USB1: variants seen among roughly 807,000 people sequenced by gnomAD.
The protein encoded by USB1 is U6 snRNA biogenesis phosphodiesterase 1.
In USB1, 21 loss-of-function variants were observed where a neutral mutation model predicts 29.9. The ratio of observed to expected loss-of-function variants is 0.70; its 90% CI spans 0.50 to 1.01. The LOEUF (loss-of-function observed/expected upper bound fraction) is 1.01. Ranked by LOEUF, USB1 falls within the 50% of genes least tolerant of loss-of-function variation. The pLI, the probability that USB1 is intolerant of heterozygous loss-of-function variation, is 0.00. For missense variants in USB1, 330 were observed against 347.1 expected (o/e 0.95, Z 0.39); for synonymous variants, 143 against 134.9 (o/e 1.06, Z -0.42).
At position 58,020,567 on chromosome 16, in the gene USB1, T is replaced by TCTCA. The variant is rs1555498777; in HGVS notation, c.*322_*323insCTCA. ...CTCCTGTCTCTCCTCCCCTCCTCTC[T>TCTCA]TCCTCTCCTCTCTCTTCCTCTCCTC... is the stretch of plus-strand genomic sequence containing the variant. On this transcript the variant is annotated 3_prime_UTR_variant, in exon 7 of 7. Transcript: ENST00000219281. 3 of 343,216 alleles carry TCTCA rather than the reference T, an allele frequency of 8.7e-6. No homozygotes were observed. The East Asian group carries it at 1.9e-4, about 22-fold the overall frequency. The allele number at this position is 343,216 out of a possible 1,614,324, so 21.3% of individuals were successfully genotyped here.
chr16:58,004,438 T>C (rs1416226235), intron 2 of USB1, among the ~76,000 whole-genome samples: 3 of 152,286 alleles, frequency 2.0e-5, no homozygotes, highest in East Asian at 3.9e-4. Flanking sequence ...TCTGGGTTTT[T>C]TGGGGGCTTT....
At chr16:58,003,052 C>T (rs543194785) in intron 2 of USB1, among the ~76,000 whole-genome samples, 4 of 152,282 alleles carry the variant, frequency 2.6e-5, no homozygotes, top group African/African-American at 7.2e-5. Flanking sequence ...AGTCAGACCT[C>T]ACTCCGCTGC....
At position 58,020,432 on chromosome 16, in the gene USB1, CTCT is replaced by C; in HGVS notation, c.*192_*194del. 1 of 639,054 alleles carries C rather than the reference CTCT, an allele frequency of 1.6e-6. No individual in the cohort carries two copies. Among genetic ancestry groups the C allele is most frequent in the South Asian group, 1.8e-5 (1 of 55,788 alleles). The allele number at this position is 639,054 out of a possible 1,614,324, so 39.6% of individuals were successfully genotyped here. A position where few individuals can be genotyped will look rare whatever the true frequency, so the allele number is the denominator to read the frequency against. ...ATATTCTCTCTCTCTCTTTCTCTTC[CTCT>C]TCTTTCTCTCTCTTCTCCTCTCTTT... On this transcript the variant is annotated 3_prime_UTR_variant, in exon 7 of 7. Transcript: ENST00000219281.
intron 6 of USB1, 118 bp from the exon 7 acceptor site, chr16:58,020,023 G>T: frequency 1.1e-6 from 1 of 879,458 alleles, no homozygotes; most frequent in Non-Finnish European, 1.9e-6. Flanking sequence ...AGAGCCTGGA[G>T]CCTGCAGCCT....
intron 2 of USB1, 110 bp downstream of exon 2, chr16:58,002,755 T>G (rs1178085913): frequency 4.9e-6 from 7 of 1,437,570 alleles, no homozygotes; most frequent in Non-Finnish European, 6.7e-6. Context: ...CCTCTAACAC[T>G]GGTGGTGGGA....
intron 3 of USB1, chr16:58,012,252 C>A: frequency 6.5e-7 from 1 of 1,533,648 alleles, no homozygotes; most frequent in African/African-American, 1.4e-5. Context: ...CTAGTCCAGC[C>A]CTCCCCCTCT....
intron 4 of USB1, chr16:58,016,692 A>T (rs982584217): frequency 6.1e-6 from 1 of 164,208 alleles, no homozygotes; most frequent in Non-Finnish European, 1.4e-5. Context: ...ACTGTGTGAG[A>T]TACTGCTGGG....
Position 58,019,016 on chromosome 16 carries a change from A to C in USB1, c.654A>C (p.Ala218=). The part of the protein sequence containing the change: ...HLSLAWCVGD[A]RLQLEGQCLQ... Reference sequence around the variant, plus strand: ...GCCTGGCCTGGTGTGTGGGTGATGCACGTCTCCAGCTGGAGGGGCAGTGCC... The same window carrying C: ...GCCTGGCCTGGTGTGTGGGTGATGCCCGTCTCCAGCTGGAGGGGCAGTGCC... Residue 218 remains alanine, a synonymous_variant, in exon 6 of 7, where the codon GCA becomes GCC. Coordinates refer to ENST00000219281, the MANE Select transcript of USB1 (RefSeq NM_024598.4). 6.2e-7 allele frequency: 1 copy of C among 1,614,096 alleles called. No individual in the cohort carries two copies. Among genetic ancestry groups the C allele is most frequent in the Non-Finnish European group, 8.5e-7 (1 of 1,180,012 alleles).
At chr16:58,004,744 T>C (rs1046556261) in intron 2 of USB1, among the ~76,000 whole-genome samples, 1 of 152,172 alleles carries the variant, frequency 6.6e-6, no homozygotes, top group Non-Finnish European at 1.5e-5. Context: ...ACATAGAATA[T>C]CTTGTAGGGT....
intron 3 of USB1, chr16:58,011,931 T>C (rs773776127): frequency 6.0e-5 from 62 of 1,036,888 alleles, no homozygotes; most frequent in Non-Finnish European, 7.1e-5. Flanking sequence ...CTGTTGATAC[T>C]AGAAGGAGCC....
At chr16:58,004,089 A>G (rs1310004354) in intron 2 of USB1, among the ~76,000 whole-genome samples, 1 of 152,124 alleles carries the variant, frequency 6.6e-6, no homozygotes, top group Non-Finnish European at 1.5e-5. Flanking sequence ...TGCATTTTAC[A>G]TTTAGTTCTG....
At chr16:58,011,603 T>G (rs1465807741) in intron 3 of USB1, 22 of 990,036 alleles carry the variant, frequency 2.2e-5, no homozygotes, top group Non-Finnish European at 2.5e-5. Flanking sequence ...GTCCTGTGGT[T>G]GTTTCACAGG....
chr16:58,002,557 G>T lies in USB1; in HGVS notation c.177G>T (p.Gly59=), dbSNP rs1035215606. The T allele has an allele frequency of 9.9e-6, 16 of 1,614,116 alleles. No individual in the cohort carries two copies. The highest frequency in any genetic ancestry group is 1.4e-5 in the Non-Finnish European group (16 of 1,180,040). Residue 59 remains glycine, a synonymous_variant, in exon 2 of 7, where the codon GGG becomes GGT. Transcript: ENST00000219281. Reference sequence around the variant, plus strand: ...ACATGTTCCCGGGCACCGAGGAGGGGCCTGAAGATGACAGCACAAAACACG... The same window carrying T: ...ACATGTTCCCGGGCACCGAGGAGGGTCCTGAAGATGACAGCACAAAACACG... ...VLNMFPGTEE[G]PEDDSTKHGG... is the part of the protein sequence containing the mutation.
intron 6 of USB1, 38 bp downstream of exon 6, chr16:58,019,093 TC>T (rs1963684782): frequency 6.2e-7 from 1 of 1,603,064 alleles, no homozygotes; most frequent in Non-Finnish European, 8.5e-7. Context: ...GGCGCTGAAC[TC>T]CAGAAATGAC....
intron 4 of USB1, chr16:58,015,288 C>G (rs750100601): frequency 6.6e-6 from 1 of 152,164 alleles, no homozygotes. Context: ...CACACTGGCA[C>G]ACGCCTCCCA....
intron 5 of USB1, among the ~76,000 whole-genome samples, chr16:58,018,000 G>A (rs945057252): frequency 2.6e-5 from 4 of 152,202 alleles, no homozygotes; most frequent in Non-Finnish European, 5.9e-5. Flanking sequence ...AAAGTATGGT[G>A]TATACTGGAA....
At chr16:58,012,566 TG>T in intron 3 of USB1, 1 of 1,393,874 alleles carries the variant, frequency 7.2e-7, no homozygotes, top group South Asian at 1.6e-5. Flanking sequence ...TGTACCAGCC[TG>T]GAAAGACAGC....
chr16:58,019,144 C>T (rs962688560), intron 6 of USB1, 89 bp downstream of exon 6: 7 of 1,312,348 alleles, frequency 5.3e-6, no homozygotes, highest in East Asian at 4.8e-5. Context: ...GGCACCCAAA[C>T]CTGAATCCCT....
At chr16:58,012,624 GGTCTGACCC>G (rs1963522831) in intron 3 of USB1, 1 of 1,343,386 alleles carries the variant, frequency 7.4e-7, no homozygotes, top group South Asian at 1.8e-5. Context: ...ATGACTGCCT[GGTCTGACCC>G]GTCTCCTGTG....
Sources: allele counts gnomAD v4.1 joint callset (sites outside exome capture counted in the v4.1 genomes callset), GRCh38; gene constraint gnomAD v4.1.1; transcripts MANE v1.5; gene names NCBI Gene and HGNC (gene_info 2026-07-23, HGNC 2026-07-21).